Variants in MGAT5 observed in about 807,000 individuals in gnomAD.
MGAT5 encodes alpha-1,6-mannosylglycoprotein 6-beta-N-acetylglucosaminyltransferase, also known as alpha-1,6-mannosylglycoprotein 6-beta-N-acetylglucosaminyltransferase A.
In MGAT5, 30 loss-of-function variants were observed where a neutral mutation model predicts 94.3. The observed-to-expected ratio is 0.32, with a 90% CI of 0.24 to 0.43. The LOEUF (loss-of-function observed/expected upper bound fraction) is 0.43, where lower values mean the gene tolerates loss of function less well. Ranked by LOEUF, MGAT5 falls within the 20% of genes least tolerant of loss-of-function variation. MGAT5 has a pLI of 1.00. For synonymous variants in MGAT5, 310 were observed against 322.9 expected (o/e 0.96, Z 0.43); for missense variants, 691 against 905.5 (o/e 0.76, Z 3.04).
At position 134,454,395 on chromosome 2, in the gene MGAT5, AC is replaced by A. The variant is rs1234371077; in HGVS notation, c.*5550del. On this transcript the variant is annotated 3_prime_UTR_variant, in exon 16 of 16. Transcript: ENST00000281923. Reference sequence around the variant, plus strand: ...CCCTTCCACTGTAGTTGCTGTCACAACCTTGACGTCTTTAAGCTAATGGCCG... The same window carrying A: ...CCCTTCCACTGTAGTTGCTGTCACAACTTGACGTCTTTAAGCTAATGGCCG... 3 of 152,152 alleles carry A rather than the reference AC, an allele frequency of 2.0e-5. No individual in the cohort carries two copies. Among genetic ancestry groups the A allele is most frequent in the Non-Finnish European group, 4.4e-5 (3 of 68,020 alleles). 9.4% of individuals were successfully genotyped at this position (152,152 alleles called of 1,614,324 possible).
In MGAT5 at chr2:134,451,740, T is replaced by C. The variant is rs1388242600; in HGVS notation, c.*2893T>C. 6.6e-6 allele frequency: 1 copy of C among 152,222 alleles called. No homozygotes were observed. The highest frequency in any genetic ancestry group is 1.5e-5 in the Non-Finnish European group (1 of 68,038). The allele number at this position is 152,222 out of a possible 1,614,324, so 9.4% of individuals were successfully genotyped here. A position where few individuals can be genotyped will look rare whatever the true frequency, so the allele number is the denominator to read the frequency against. ...TTGTGATCCTAAGCTCTTAAAAAAC[T>C]TGAGGGAAAACATTCATCTAATTTA... On this transcript the variant is annotated 3_prime_UTR_variant, in exon 16 of 16. Coordinates refer to ENST00000281923, the MANE Select transcript of MGAT5 (RefSeq NM_002410.5).
intron 1 of MGAT5, among the ~76,000 whole-genome samples, chr2:134,160,050 G>C (rs980347446): frequency 2.0e-5 from 3 of 152,132 alleles, no homozygotes; most frequent in Admixed American, 6.5e-5. Flanking sequence ...TCAGCTGGCT[G>C]CTGCTGTGCT....
upstream of MGAT5, among the ~76,000 whole-genome samples, chr2:134,250,244 G>T (rs897642728): frequency 5.9e-5 from 9 of 152,184 alleles, no homozygotes; most frequent in East Asian, 1.5e-3. Context: ...TTCTGGAAGT[G>T]AATTGATGAA....
chr2:134,128,860 A>G (rs1338666520), intron 1 of MGAT5, among the ~76,000 whole-genome samples: 1 of 152,168 alleles, frequency 6.6e-6, no homozygotes, highest in South Asian at 2.1e-4. Context: ...TAGTGCTCAC[A>G]GTTGTGAGCC....
Position 134,423,530 on chromosome 2 carries a change from G to A in MGAT5, c.1794+611G>A, listed in dbSNP as rs57342050. On this transcript the variant is annotated intron_variant, in intron 13 of 15. Coordinates refer to ENST00000281923, the MANE Select transcript of MGAT5 (RefSeq NM_002410.5). ...CAGAAGTTTACCATCCAGTAAAGAC[G>A]AGTTCAGTTATCCTTTCTCCCAACT... is the stretch of plus-strand genomic sequence containing the variant. Among the ~76,000 whole-genome samples, 1,246 of 152,258 alleles carry A rather than the reference G, an allele frequency of 8.2e-3. 19 individuals are homozygous for A. The highest frequency in any genetic ancestry group is 0.028 in the African/African-American group (1,155 of 41,540).
chr2:134,270,976 A>C (rs1045995350), intron 2 of MGAT5, among the ~76,000 whole-genome samples: 1 of 152,196 alleles, frequency 6.6e-6, no homozygotes, highest in African/African-American at 2.4e-5. Flanking sequence ...ACCATTGCCG[A>C]AAATGCCTCC....
intron 1 of MGAT5, among the ~76,000 whole-genome samples, chr2:134,171,570 G>A (rs1688210480): frequency 6.6e-6 from 1 of 152,118 alleles, no homozygotes; most frequent in African/African-American, 2.4e-5. Context: ...TGATAGGGCC[G>A]CCCACCTAGC....
chr2:134,360,390 T>G (rs1206290224), intron 9 of MGAT5, among the ~76,000 whole-genome samples: 2 of 152,216 alleles, frequency 1.3e-5, no homozygotes, highest in Non-Finnish European at 2.9e-5. Flanking sequence ...TTTTATTTTT[T>G]ACTATATATT....
intron 1 of MGAT5, among the ~76,000 whole-genome samples, chr2:134,121,493 T>G (rs1411585805): frequency 1.3e-5 from 2 of 151,934 alleles, no homozygotes; most frequent in Non-Finnish European, 2.9e-5. Flanking sequence ...GCAGAGGGGG[T>G]GCTTGGCTCC....
At chr2:134,386,943 C>T (rs186705173) in intron 10 of MGAT5, among the ~76,000 whole-genome samples, 122 of 152,148 alleles carry the variant, frequency 8.0e-4, no homozygotes, top group African/African-American at 2.9e-3. Flanking sequence ...ACTAAGACTA[C>T]ACAAGAGACC....
intron 1 of MGAT5, among the ~76,000 whole-genome samples, chr2:134,145,062 G>T (rs1686847746): frequency 1.3e-5 from 2 of 152,162 alleles, no homozygotes; most frequent in African/African-American, 4.8e-5. Context: ...CCATTTTCTG[G>T]AATCCATCCC....
At chr2:134,143,945 T>C (rs1416190246) in intron 1 of MGAT5, among the ~76,000 whole-genome samples, 1 of 151,988 alleles carries the variant, frequency 6.6e-6, no homozygotes, top group Non-Finnish European at 1.5e-5. Flanking sequence ...TTGTAACAAG[T>C]TCAGGGAGGT....
chr2:134,170,222 T>A (rs571652835), intron 1 of MGAT5, among the ~76,000 whole-genome samples: 30 of 152,240 alleles, frequency 2.0e-4, no homozygotes, highest in Non-Finnish European at 3.7e-4. Context: ...TAGAAACAAA[T>A]CTTGACTGCA....
intron 1 of MGAT5, among the ~76,000 whole-genome samples, chr2:134,227,799 G>A (rs1006644799): frequency 6.6e-6 from 1 of 152,100 alleles, no homozygotes; most frequent in South Asian, 2.1e-4. Flanking sequence ...TCTTCAGACC[G>A]TTCATGAGCT....
intron 1 of MGAT5, among the ~76,000 whole-genome samples, chr2:134,255,470 TATATATAC>T (rs534929599): frequency 5.5e-4 from 81 of 146,906 alleles, no homozygotes; most frequent in African/African-American, 1.6e-3. Flanking sequence ...TATATATACA[TATATATAC>T]ATATATACAT....
chr2:134,175,474 A>G (rs1180556041), intron 1 of MGAT5, among the ~76,000 whole-genome samples: 1 of 152,208 alleles, frequency 6.6e-6, no homozygotes, highest in Non-Finnish European at 1.5e-5. Flanking sequence ...GAAGGTTGGC[A>G]CTACCTGGAT....
In MGAT5 at chr2:134,209,141, ATTTTTTTTTTAT is replaced by A. The variant is rs1247731958; in HGVS notation, c.-142-45110_-142-45099del. Among the ~76,000 whole-genome samples the A allele has an allele frequency of 8.1e-4, 13 of 16,082 alleles. 2 individuals carry two copies. In the South Asian group the frequency reaches 0.042, roughly 52 times the overall value. The allele number at this position is 16,082 out of a possible 152,430, so 10.6% of individuals were successfully genotyped here. On this transcript the variant is annotated intron_variant, in intron 1 of 16. Transcript: ENST00000409645. ...GAGGGATTGTATATAGAACTGGCTT[ATTTTTTTTTTAT>A]TTTTTTTTTTTTTTTTATTTTTTTT...
At chr2:134,383,825 G>A (rs532573501) in intron 10 of MGAT5, among the ~76,000 whole-genome samples, 5 of 151,704 alleles carry the variant, frequency 3.3e-5, no homozygotes, top group East Asian at 1.9e-4. Flanking sequence ...TGCCTCAGGC[G>A]CCCACCACCA....
upstream of MGAT5, among the ~76,000 whole-genome samples, chr2:134,250,617 A>G (rs1682536740): frequency 6.6e-6 from 1 of 152,158 alleles, no homozygotes; most frequent in South Asian, 2.1e-4. Context: ...GTAGAGATGC[A>G]TTCTGTGATT....
Sources: gnomAD v4.1 joint callset for allele counts (sites outside exome capture counted in the v4.1 genomes callset) on GRCh38, gnomAD v4.1.1 for gene constraint, MANE v1.5 for transcripts, NCBI Gene and HGNC (gene_info 2026-07-23, HGNC 2026-07-21) for gene names.